CREBBP: variants seen among roughly 807,000 people sequenced by gnomAD.
CREBBP encodes CREB-binding protein.
CREBBP carries 19 observed loss-of-function variants against 265.0 expected under a neutral mutation model. The observed-to-expected ratio is 0.07, with a 90% CI of 0.05 to 0.11. The LOEUF is 0.11. Among genes scored for constraint, CREBBP ranks in the 10% least tolerant of loss-of-function variants. The probability of loss-of-function intolerance (pLI) is 1.00; values close to 1 mark genes in which losing one functional copy is unlikely to be tolerated. For synonymous variants in CREBBP, 1,457 were observed against 1,223.7 expected (o/e 1.19, Z -3.98); for missense variants, 2,525 against 3,219.0 (o/e 0.78, Z 5.22).
At chr16:3,843,500 A>C (rs534987804) in intron 2 of CREBBP, among the ~76,000 whole-genome samples, 1 of 149,756 alleles carries the variant, frequency 6.7e-6, no homozygotes, top group African/African-American at 2.5e-5. Context: ...GGCTCACTGC[A>C]ACTTTGCACT....
chr16:3,835,841 A>C (rs950960766), intron 2 of CREBBP, among the ~76,000 whole-genome samples: 1 of 151,698 alleles, frequency 6.6e-6, no homozygotes, highest in Admixed American at 6.6e-5. Flanking sequence ...TGGCCTCCCA[A>C]AGTGCTGGGA....
chr16:3,734,422 T>G (rs2051998191), intron 28 of CREBBP, among the ~76,000 whole-genome samples: 1 of 152,136 alleles, frequency 6.6e-6, no homozygotes, highest in South Asian at 2.1e-4. Context: ...CAGGGAAGGC[T>G]GCCCCAGCAG....
rs1391739212 is a variant in CREBBP at position 3,781,274 on chromosome 16, T to A, written c.1606A>T (p.Ile536Leu). 1.2e-6 allele frequency: 2 copies of A among 1,613,904 alleles called. No homozygotes were observed. The highest frequency in any genetic ancestry group is 1.3e-5 in the African/African-American group (1 of 74,934). The stretch of plus-strand genomic sequence containing the variant: ...TTTGGGGGCTGCTGATCTGTTGTTA[T>A]TCCTCCTGCTGGAATGTTCATTGGA... Reference protein sequence around the residue: ...NNPMNIPAGGITTDQQPPNLI... With the variant: ...NNPMNIPAGGLTTDQQPPNLI... Residue 536 changes from isoleucine (I) to leucine (L), a missense_variant, in exon 7 of 31, where the codon ATA becomes TTA. Physicochemically the swap from Ile to Leu is conservative, Grantham distance 5. Coordinates refer to ENST00000262367, the MANE Select transcript of CREBBP (RefSeq NM_004380.3).
intron 1 of CREBBP, among the ~76,000 whole-genome samples, chr16:3,861,100 G>A (rs2055063841): frequency 6.6e-6 from 1 of 152,032 alleles, no homozygotes; most frequent in Non-Finnish European, 1.5e-5. Context: ...GTGAAACCCT[G>A]TCTCTACTAA....
intron 4 of CREBBP, among the ~76,000 whole-genome samples, chr16:3,792,952 G>A (rs992717657): frequency 1.3e-5 from 2 of 152,218 alleles, no homozygotes; most frequent in East Asian, 1.9e-4. Context: ...CAGGACAGAG[G>A]AGCAAGGCCG....
chr16:3,756,220 A>G (rs2052582796), intron 19 of CREBBP, among the ~76,000 whole-genome samples: 1 of 152,266 alleles, frequency 6.6e-6, no homozygotes, highest in Admixed American at 6.5e-5. Flanking sequence ...AAAGACAAAG[A>G]ACAGGCACAA....
chr16:3,805,474 C>T (rs1304056831), intron 3 of CREBBP, among the ~76,000 whole-genome samples: 4 of 152,178 alleles, frequency 2.6e-5, no homozygotes, highest in African/African-American at 9.7e-5. Flanking sequence ...GTGAAAGGAG[C>T]TTGTGTATAA....
At chr16:3,846,909 G>C (rs1324443652) in intron 2 of CREBBP, among the ~76,000 whole-genome samples, 1 of 152,184 alleles carries the variant, frequency 6.6e-6, no homozygotes, top group Non-Finnish European at 1.5e-5. Flanking sequence ...TTACTCTTAA[G>C]AGTATTTTTA....
chr16:3,842,318 T>C lies in CREBBP; in HGVS notation c.798+7979A>G, dbSNP rs8048862. On this transcript the variant is annotated intron_variant, in intron 2 of 30. Transcript: ENST00000262367. ...TTTCTACCAGCTTCTGGCTTCCTTC[T>C]GTCATCTCTGTGTCAAGCAACATCT... Among the ~76,000 whole-genome samples the C allele has an allele frequency of 6.7e-4, 102 of 152,292 alleles. 2 individuals carry two copies. Among genetic ancestry groups the C allele is most frequent in the African/African-American group, 2.3e-3 (96 of 41,568 alleles).
At chr16:3,867,263 G>A (rs1422297562) in intron 1 of CREBBP, among the ~76,000 whole-genome samples, 1 of 152,110 alleles carries the variant, frequency 6.6e-6, no homozygotes, top group Non-Finnish European at 1.5e-5. Context: ...TATTCTTTGA[G>A]ATGACATGGA....
intron 22 of CREBBP, 70 bp downstream of exon 22, chr16:3,745,207 G>A (rs2151355016): frequency 7.5e-7 from 1 of 1,341,528 alleles, no homozygotes; most frequent in South Asian, 1.2e-5. Flanking sequence ...ATGAGATGCA[G>A]TAGCCACTGC....
At chr16:3,878,307 C>G (rs2055445360) in intron 1 of CREBBP, among the ~76,000 whole-genome samples, 1 of 152,226 alleles carries the variant, frequency 6.6e-6, no homozygotes, top group African/African-American at 2.4e-5. Flanking sequence ...ACTACTGTTT[C>G]CAAATTTCTC....
intron 5 of CREBBP, among the ~76,000 whole-genome samples, chr16:3,783,652 C>A (rs1404717605): frequency 6.6e-6 from 1 of 152,226 alleles, no homozygotes; most frequent in Non-Finnish European, 1.5e-5. Flanking sequence ...CGCAATTCTG[C>A]ATGGGTCTTA....
chr16:3,845,172 T>C (rs2054640446), intron 2 of CREBBP, among the ~76,000 whole-genome samples: 1 of 152,242 alleles, frequency 6.6e-6, no homozygotes, highest in South Asian at 2.1e-4. Flanking sequence ...ACTATACGAA[T>C]GTTTCTACCA....
chr16:3,728,893 G>A lies in CREBBP; in HGVS notation c.6154C>T (p.Arg2052Trp), dbSNP rs1421133831. 1.9e-6 allele frequency: 3 copies of A among 1,609,836 alleles called. No individual in the cohort carries two copies. The highest frequency in any genetic ancestry group is 1.7e-5 in the Admixed American group (1 of 59,904). Reference protein sequence around the residue: ...MQAQAAVAGPRMPSVQPPRSI... With the variant: ...MQAQAAVAGPWMPSVQPPRSI... ...CTGGGTGGCTGCACGCTGGGCATCC[G>A]GGGCCCAGCCACGGCCGCCTGGGCC... Residue 2052 changes from arginine (R) to tryptophan (W), a missense_variant, in exon 31 of 31, where the codon CGG becomes TGG. Arg to Trp is a moderately radical substitution (Grantham distance 101, BLOSUM62 -3). Coordinates refer to ENST00000262367, the MANE Select transcript of CREBBP (RefSeq NM_004380.3). This position sits in a 1 kb window ranked among gnomAD's most constrained non-coding sequence, Gnocchi z 8.7.
intron 1 of CREBBP, among the ~76,000 whole-genome samples, chr16:3,873,878 C>G (rs767764391): frequency 1.8e-4 from 27 of 152,148 alleles, no homozygotes; most frequent in Non-Finnish European, 3.4e-4. Flanking sequence ...ATGATAAGAA[C>G]TTTAAGGGAC....
rs2052155279 is a variant in CREBBP, at chr16:3,739,717, C to T, written c.4141G>A (p.Asp1381Asn). Reference protein sequence around the residue: ...VKPGMKSRFVDSGEMSESFPY... With the variant: ...VKPGMKSRFVNSGEMSESFPY... ...AAAGATTCAGACATTTCCCCAGAAT[C>T]CACAAACCTGAAACAAAAGCCAGAG... The change falls in exon 25 of 31, where the codon GAT becomes AAT. Residue 1381 changes from aspartate (D) to asparagine (N), a missense_variant. Asp to Asn is a conservative substitution (Grantham distance 23, BLOSUM62 1). Coordinates refer to ENST00000262367, the MANE Select transcript of CREBBP (RefSeq NM_004380.3). The T allele has an allele frequency of 6.2e-7, 1 of 1,614,262 alleles. No homozygotes were observed.
At chr16:3,756,755 T>A (rs866456346) in intron 19 of CREBBP, among the ~76,000 whole-genome samples, 2 of 152,148 alleles carry the variant, frequency 1.3e-5, no homozygotes, top group Non-Finnish European at 2.9e-5. Flanking sequence ...CAGGCAAATA[T>A]TTGCAGGTAG....
intron 1 of CREBBP, among the ~76,000 whole-genome samples, chr16:3,864,216 C>T (rs1489029759): frequency 6.6e-6 from 1 of 152,126 alleles, no homozygotes; most frequent in East Asian, 1.9e-4. Flanking sequence ...CAGGCGGCAA[C>T]AAGAAGTCAA....
Sources: allele counts gnomAD v4.1 joint callset (sites outside exome capture counted in the v4.1 genomes callset), GRCh38; gene constraint gnomAD v4.1.1; non-coding constraint Gnocchi (gnomAD v3.1); transcripts MANE v1.5; gene names NCBI Gene and HGNC (gene_info 2026-07-23, HGNC 2026-07-21).